Variants in CDH13 observed in about 807,000 individuals in gnomAD.
CDH13 encodes cadherin 13.
CDH13 carries 24 observed loss-of-function variants against 63.8 expected under a neutral mutation model. The observed-to-expected ratio is 0.38, with a 90% confidence interval of 0.27 to 0.53. The LOEUF is 0.53. Ranked by LOEUF, CDH13 falls within the 20% of genes least tolerant of loss-of-function variation. The probability of loss-of-function intolerance (pLI) is 0.85; values close to 1 mark genes in which losing one functional copy is unlikely to be tolerated. For synonymous variants in CDH13, 503 were observed against 355.3 expected (o/e 1.42, Z -4.67); for missense variants, 1,049 against 903.1 (o/e 1.16, Z -2.07).
At position 83,392,486 on chromosome 16, in the gene CDH13, A is replaced by T. The variant is rs569229927; in HGVS notation, c.781+47480A>T. On this transcript the variant is annotated intron_variant, in intron 6 of 13. Transcript: ENST00000567109. ...ATAATTAGATTCTAGAACCTCAATT[A>T]TCATCGTAATGACTCCCCTGATAGA... Among the ~76,000 whole-genome samples, 37 of 152,362 alleles carry T rather than the reference A, an allele frequency of 2.4e-4. 1 individual carries two copies. Among genetic ancestry groups the T allele is most frequent in the African/African-American group, 8.2e-4 (34 of 41,588 alleles).
chr16:82,685,860 A>G (rs749138493), intron 1 of CDH13, among the ~76,000 whole-genome samples: 7 of 152,202 alleles, frequency 4.6e-5, no homozygotes, highest in Admixed American at 1.3e-4. Flanking sequence ...CTTTGTTTTA[A>G]GCAGAGACAG....
chr16:83,222,185 C>T (rs1424778964), intron 5 of CDH13, among the ~76,000 whole-genome samples: 1 of 152,224 alleles, frequency 6.6e-6, no homozygotes, highest in South Asian at 2.1e-4. Flanking sequence ...CTGCCACCTT[C>T]TGAGTATTTG....
intron 6 of CDH13, among the ~76,000 whole-genome samples, chr16:83,444,426 G>A (rs62040093): frequency 0.031 from 4,645 of 152,214 alleles, 103 homozygotes; most frequent in Non-Finnish European, 0.045. Flanking sequence ...CTTGCTCAAG[G>A]ACAATACTTC....
intron 5 of CDH13, among the ~76,000 whole-genome samples, chr16:83,269,012 C>T (rs1470954677): frequency 6.6e-6 from 1 of 152,194 alleles, no homozygotes; most frequent in African/African-American, 2.4e-5. Flanking sequence ...ACTTGCTCAG[C>T]CTTAGCTTCA....
chr16:82,787,788 G>T (rs534908956), intron 1 of CDH13, among the ~76,000 whole-genome samples: 18 of 141,798 alleles, frequency 1.3e-4, no homozygotes, highest in African/African-American at 4.6e-4. Flanking sequence ...CTCTAGAAAA[G>T]TTACGAATTA....
chr16:83,396,576 A>T (rs2091889927), intron 6 of CDH13: 1 of 152,158 alleles, frequency 6.6e-6, no homozygotes, highest in Non-Finnish European at 1.5e-5. Flanking sequence ...CTGAAGGGTT[A>T]AGCTCTATGT....
At chr16:83,541,113 C>T (rs963391157) in intron 7 of CDH13, among the ~76,000 whole-genome samples, 3 of 152,094 alleles carry the variant, frequency 2.0e-5, no homozygotes, top group African/African-American at 7.2e-5. Flanking sequence ...AGACTCTCAG[C>T]CCAGCTGCCA....
At chr16:83,788,708 C>T (rs1412647440) in intron 13 of CDH13, among the ~76,000 whole-genome samples, 1 of 152,182 alleles carries the variant, frequency 6.6e-6, no homozygotes. Context: ...AAGACAGGCA[C>T]AGGTACACTA....
At chr16:83,088,948 T>C (rs932069266) in intron 3 of CDH13, among the ~76,000 whole-genome samples, 4 of 152,222 alleles carry the variant, frequency 2.6e-5, no homozygotes, top group African/African-American at 7.2e-5. Flanking sequence ...TTCATTAATA[T>C]ATGATCAATA....
intron 11 of CDH13, among the ~76,000 whole-genome samples, chr16:83,758,292 C>T (rs749463596): frequency 4.6e-5 from 7 of 151,934 alleles, no homozygotes; most frequent in South Asian, 2.1e-4. Flanking sequence ...AATTGCAGAC[C>T]GATCTCACTC....
intron 1 of CDH13, among the ~76,000 whole-genome samples, chr16:82,774,391 C>G (rs2035397600): frequency 1.3e-5 from 2 of 151,222 alleles, no homozygotes; most frequent in Admixed American, 6.6e-5. Flanking sequence ...CTTACACTAG[C>G]TATCTCATAG....
At chr16:82,691,029 C>T (rs1915593573) in intron 1 of CDH13, among the ~76,000 whole-genome samples, 1 of 152,210 alleles carries the variant, frequency 6.6e-6, no homozygotes, top group Non-Finnish European at 1.5e-5. Flanking sequence ...CAGTGAGGGA[C>T]ATGCAGAGAA....
chr16:82,699,153 A>G (rs1209753444), intron 1 of CDH13, among the ~76,000 whole-genome samples: 3 of 152,214 alleles, frequency 2.0e-5, no homozygotes, highest in Non-Finnish European at 2.9e-5. Flanking sequence ...TGATTGTTGA[A>G]GGTGGATATT....
At chr16:82,896,770 CTTTTTTTTTTTTTTTT>C (rs71382855) in intron 2 of CDH13, among the ~76,000 whole-genome samples, 3 of 55,516 alleles carry the variant, frequency 5.4e-5, no homozygotes, top group African/African-American at 2.4e-4. Flanking sequence ...CTGTGCAATT[CTTTTTTTTTTTTTTTT>C]TTTTTTTTTT....
intron 4 of CDH13, among the ~76,000 whole-genome samples, chr16:83,171,094 C>T (rs9931140): frequency 0.083 from 12,583 of 152,026 alleles, 638 homozygotes; most frequent in Middle Eastern, 0.15. Context: ...TTAATTCGCT[C>T]GTGGTTCTGC....
At chr16:83,470,116 C>A (rs2073417482) in intron 6 of CDH13, among the ~76,000 whole-genome samples, 1 of 152,202 alleles carries the variant, frequency 6.6e-6, no homozygotes, top group African/African-American at 2.4e-5. Context: ...AAAGCCCCTG[C>A]ACACACATAC....
chr16:82,767,277 C>A (rs940683522), intron 1 of CDH13, among the ~76,000 whole-genome samples: 2 of 152,228 alleles, frequency 1.3e-5, no homozygotes, highest in Non-Finnish European at 2.9e-5. Context: ...AAAGTTCCCT[C>A]AAGCCTCTTC....
At chr16:83,312,233 G>A (rs74442207) in intron 5 of CDH13, among the ~76,000 whole-genome samples, 3 of 152,254 alleles carry the variant, frequency 2.0e-5, no homozygotes, top group African/African-American at 7.2e-5. Context: ...CTCAGTCTGT[G>A]TCCATACAGA....
intron 6 of CDH13, among the ~76,000 whole-genome samples, chr16:83,481,496 G>A (rs561505946): frequency 1.4e-4 from 22 of 152,338 alleles, no homozygotes; most frequent in African/African-American, 3.8e-4. Context: ...TTCAAAGCTG[G>A]CTTTCAAGGT....
Sources: allele counts gnomAD v4.1 joint callset (sites outside exome capture counted in the v4.1 genomes callset), GRCh38; gene constraint gnomAD v4.1.1; transcripts MANE v1.5; gene names NCBI Gene and HGNC (gene_info 2026-07-23, HGNC 2026-07-21).